LTB: variants seen among roughly 807,000 people sequenced by gnomAD.
LTB encodes lymphotoxin-beta.
In LTB, 17 loss-of-function variants were observed where a neutral mutation model predicts 14.7. The observed-to-expected ratio is 1.16, with a 90% CI of 0.79 to 1.73. LTB has a LOEUF of 1.73. Ranked by LOEUF, LTB falls within the 40% of genes most tolerant of loss-of-function variation. The pLI is 0.00. For synonymous variants in LTB, 163 were observed against 157.3 expected, an observed-to-expected ratio of 1.04 and a Z score of -0.27; for missense variants, 288 against 324.3, an observed-to-expected ratio of 0.89 and a Z score of 0.86.
intron 1 of LTB, 110 bp from the exon 2 acceptor site, chr6:31,581,969 TCCCC>T: frequency 9.2e-7 from 1 of 1,086,408 alleles, no homozygotes; most frequent in East Asian, 2.4e-5. Context: ...ACCAGCACCA[TCCCC>T]AACACACACC....
chr6:31,582,020 G>T, intron 1 of LTB, 161 bp from the exon 2 acceptor site: 2 of 820,156 alleles, frequency 2.4e-6, no homozygotes, highest in Non-Finnish European at 3.9e-6. Context: ...ATAGGTACTT[G>T]GGCGGAGAAA....
At position 31,580,848 on chromosome 6, in the gene LTB, G is replaced by A; in HGVS notation, c.596C>T (p.Pro199Leu). 6.2e-7 allele frequency: 1 copy of A among 1,611,560 alleles called. No homozygotes were observed. The highest frequency in any genetic ancestry group is 1.1e-5 in the South Asian group (1 of 90,808). ...LDPARRQGYG[P>L]LWYTSVGFGG... Reference sequence around the variant, plus strand: ...GAACCCCACGCTCGTGTACCAGAGAGGCCCGTACCCTTGTCTCCTGGCCGG... The same window carrying A: ...GAACCCCACGCTCGTGTACCAGAGAAGCCCGTACCCTTGTCTCCTGGCCGG... Residue 199 changes from proline (P) to leucine (L), a missense_variant, in exon 4 of 4, where the codon CCT becomes CTT. By Grantham distance (98) the Pro-to-Leu change is moderately conservative. Transcript: ENST00000429299. This position sits in a 1 kb window ranked among gnomAD's most constrained non-coding sequence, Gnocchi z 6.6.
In LTB at chr6:31,581,829, C is replaced by T; in HGVS notation, c.193G>A (p.Ala65Thr). The change falls in exon 2 of 4, where the codon GCC becomes ACC. Residue 65 changes from alanine to threonine, a missense_variant. Around this residue, in one of 2 missense-constraint regions of LTB, gnomAD observed 284 missense variants for 299.2 expected, o/e 0.95. Transcript: ENST00000429299. ...CTGCTCTTACCCAGTCCTTGCTGGG[C>T]CTGTGCCCCGGGGTCGGCCGTCTCC... is the stretch of plus-strand genomic sequence containing the variant. ...VTETADPGAQ[A>T]QQGLGFQKLP... 1 of 1,605,234 alleles carries T rather than the reference C, an allele frequency of 6.2e-7. No individual in the cohort carries two copies. The highest frequency in any genetic ancestry group is 8.5e-7 in the Non-Finnish European group (1 of 1,176,792).
At position 31,581,520 on chromosome 6, in the gene LTB, G is replaced by A. The variant is rs1415876126; in HGVS notation, c.280+39C>T. On this transcript the variant is annotated intron_variant, in intron 3 of 3. Transcript: ENST00000429299. ...TGGGCGAGCAGAACTGGAACCTTCG[G>A]ATTATTTACACTCTTATTCAGGTCT... 3.2e-6 allele frequency: 5 copies of A among 1,586,600 alleles called. No homozygotes were observed. The African/African-American group carries it at 5.4e-5, about 17-fold the overall frequency.
chr6:31,580,990 G>A lies in LTB; in HGVS notation c.454C>T (p.Pro152Ser), dbSNP rs978172647. ...CGCAGCGTGACCGAGCGGCCCTGGG[G>A]GTCCCCGCCGCCAGGGGGCGCCCGG... Reference protein sequence around the residue: ...RGRAPPGGGDPQGRSVTLRSS... With the variant: ...RGRAPPGGGDSQGRSVTLRSS... Residue 152 changes from proline (P) to serine (S), a missense_variant, in exon 4 of 4, where the codon CCC becomes TCC. Pro to Ser is a moderately conservative substitution (Grantham distance 74, BLOSUM62 -1). Around this residue, in one of 2 missense-constraint regions of LTB, gnomAD observed 284 missense variants for 299.2 expected, o/e 0.95. Coordinates refer to ENST00000429299, the MANE Select transcript of LTB (RefSeq NM_002341.2). The surrounding 1 kb of genome is among the most constrained non-coding windows in gnomAD (Gnocchi z 6.6). 7.7e-6 allele frequency: 12 copies of A among 1,564,286 alleles called. No homozygotes were observed. The highest frequency in any genetic ancestry group is 1.7e-4 in the Middle Eastern group (1 of 5,886).
At chr6:31,581,685 AC>A in intron 2 of LTB, 55 bp from the exon 3 acceptor site, 1 of 1,590,144 alleles carries the variant, frequency 6.3e-7, no homozygotes, top group South Asian at 1.1e-5. Flanking sequence ...CATGCAGGCT[AC>A]CCTTGAGAGA....
At chr6:31,581,791 A>G (rs1257422638) in intron 2 of LTB, 23 bp downstream of exon 2, 1 of 1,612,312 alleles carries the variant, frequency 6.2e-7, no homozygotes, top group Non-Finnish European at 8.5e-7. Context: ...TGAAGCGGGG[A>G]AGGAGAGACA....
chr6:31,581,431 G>T, intron 3 of LTB, 128 bp downstream of exon 3: 1 of 945,146 alleles, frequency 1.1e-6, no homozygotes, highest in South Asian at 1.4e-5. Flanking sequence ...GAGTGGGCAC[G>T]AGCGACAAAA....
chr6:31,581,896 T>A (rs1166248275), intron 1 of LTB, 37 bp from the exon 2 acceptor site: 1 of 1,548,074 alleles, frequency 6.5e-7, no homozygotes. Context: ...GAGTTCAGAT[T>A]CAGCTCATGT....
At chr6:31,581,984 T>G in intron 1 of LTB, 125 bp from the exon 2 acceptor site, 1 of 988,030 alleles carries the variant, frequency 1.0e-6, no homozygotes, top group Non-Finnish European at 1.5e-6. Context: ...AACACACACC[T>G]CCTTAGAAGG....
chr6:31,581,135 G>A lies in LTB; in HGVS notation c.309C>T (p.Gly103=), dbSNP rs547717551. Residue 103 remains glycine, a synonymous_variant, in exon 4 of 4, where the codon GGC becomes GGT. Transcript: ENST00000429299. ...ACGCCTGTTCCTTCGTCGTCTCCCA[G>A]CCTAGCCCCTGCCCCTTCAGCGGAG... ...IGAPLKGQGL[G]WETTKEQAFL... 1.9e-6 allele frequency: 3 copies of A among 1,566,682 alleles called. No individual in the cohort carries two copies. The highest frequency in any genetic ancestry group is 2.4e-5 in the South Asian group (2 of 84,442).
chr6:31,581,029 C>A lies in LTB; in HGVS notation c.415G>T (p.Val139Phe). ...QDGLYYLYCLVGYRGRAPPGG... is the reference protein window; with the variant it reads ...QDGLYYLYCLFGYRGRAPPGG... ...GGGGGCGCCCGGCCCCGGTAGCCGA[C>A]GAGACAGTAGAGGTAATAGAGGCCG... Residue 139 changes from valine to phenylalanine, a missense_variant, in exon 4 of 4, where the codon GTC (valine) becomes TTC (phenylalanine). Val to Phe is a conservative substitution (Grantham distance 50, BLOSUM62 -1). Transcript: ENST00000429299. The A allele has an allele frequency of 6.3e-7, 1 of 1,591,978 alleles. No homozygotes were observed. The highest frequency in any genetic ancestry group is 8.6e-7 in the Non-Finnish European group (1 of 1,169,528).
In LTB at chr6:31,580,859, T is replaced by A. The variant is rs1402837969; in HGVS notation, c.585A>T (p.Gln195His). 1.2e-6 allele frequency: 2 copies of A among 1,609,920 alleles called. No individual in the cohort carries two copies. The highest frequency in any genetic ancestry group is 2.7e-5 in the African/African-American group (2 of 74,826). The change falls in exon 4 of 4, where the codon CAA (glutamine) becomes CAT (histidine). Residue 195 changes from glutamine (Q) to histidine (H), a missense_variant. Gln to His is a conservative substitution (Grantham distance 24). This residue lies in a region of LTB where 284 missense variants were observed against 299.2 expected (regional missense o/e 0.95). Transcript: ENST00000429299. The surrounding 1 kb of genome is among the most constrained non-coding windows in gnomAD (Gnocchi z 6.6). ...TCGTGTACCAGAGAGGCCCGTACCC[T>A]TGTCTCCTGGCCGGGTCCAGCACTG... ...VTPVLDPARR[Q>H]GYGPLWYTSV...
chr6:31,582,050 G>A (rs183510030), intron 1 of LTB, 191 bp from the exon 2 acceptor site: 6 of 761,826 alleles, frequency 7.9e-6, no homozygotes, highest in Admixed American at 2.8e-5. Context: ...CTCGGGAAGA[G>A]GAGAGGAGAC....
intron 1 of LTB, 103 bp downstream of exon 1, chr6:31,582,153 G>A (rs898060895): frequency 6.5e-6 from 9 of 1,384,462 alleles, no homozygotes; most frequent in Admixed American, 1.9e-5. Context: ...AGGGACAGCC[G>A]AGCCAGCTGA....
chr6:31,582,212 C>T lies in LTB; in HGVS notation c.162+44G>A, dbSNP rs369223933. On this transcript the variant is annotated intron_variant, in intron 1 of 3. Coordinates refer to ENST00000429299, the MANE Select transcript of LTB (RefSeq NM_002341.2). Reference sequence around the variant, plus strand: ...GGCACAACCAGAGGGAGCCAAGCATCCGCAAGATACAACTCTCCACCAGGG... The same window carrying T: ...GGCACAACCAGAGGGAGCCAAGCATTCGCAAGATACAACTCTCCACCAGGG... 3.1e-6 allele frequency: 5 copies of T among 1,603,714 alleles called. No individual in the cohort carries two copies. In the East Asian group the frequency reaches 6.7e-5, roughly 22 times the overall value.
intron 3 of LTB, 60 bp from the exon 4 acceptor site, chr6:31,581,223 G>A: frequency 6.9e-7 from 1 of 1,458,154 alleles, no homozygotes. Context: ...TGGGACTTCT[G>A]GGGAAGTGGC....
intron 3 of LTB, 111 bp from the exon 4 acceptor site, chr6:31,581,274 G>A: frequency 2.0e-6 from 2 of 995,402 alleles, no homozygotes; most frequent in East Asian, 2.5e-5. Flanking sequence ...GCCGGGGGAG[G>A]AGGGATGGTG....
chr6:31,581,963 G>A (rs146590429), intron 1 of LTB, 104 bp from the exon 2 acceptor site: 5 of 1,179,116 alleles, frequency 4.2e-6, no homozygotes, highest in African/African-American at 3.1e-5. Context: ...TCTCCTACCA[G>A]CACCATCCCC....
Sources: allele counts gnomAD v4.1 joint callset, GRCh38; gene constraint gnomAD v4.1.1; regional missense constraint gnomAD v4.1.1; non-coding constraint Gnocchi (gnomAD v3.1); transcripts MANE v1.5; gene names NCBI Gene and HGNC (gene_info 2026-07-23, HGNC 2026-07-21).